The following MAGI2 variants were observed in gnomAD, a reference collection of about 807,000 sequenced individuals.
MAGI2 encodes the protein membrane-associated guanylate kinase, WW and PDZ domain-containing protein 2.
A neutral mutation model predicts 133.3 loss-of-function variants in MAGI2; 35 were observed. The observed-to-expected ratio is 0.26, with a 90% CI of 0.20 to 0.35. The LOEUF is 0.35. Ranked by LOEUF, MAGI2 falls within the 10% of genes least tolerant of loss-of-function variation. The pLI, the probability that MAGI2 is intolerant of heterozygous loss-of-function variation, is 1.00. For synonymous variants in MAGI2, 729 were observed against 710.6 expected, an observed-to-expected ratio of 1.03 and a Z score of -0.41; for missense variants, 1,636 against 1,863.4, an observed-to-expected ratio of 0.88 and a Z score of 2.25.
chr7:78,446,150 T>C (rs1193931183), intron 6 of MAGI2, among the ~76,000 whole-genome samples: 1 of 91,478 alleles, frequency 1.1e-5, no homozygotes, highest in Non-Finnish European at 2.6e-5. Flanking sequence ...ATACTATATG[T>C]TTAACTTATT....
At chr7:78,669,747 G>C (rs2151068420) in intron 2 of MAGI2, among the ~76,000 whole-genome samples, 1 of 152,254 alleles carries the variant, frequency 6.6e-6, no homozygotes, top group Non-Finnish European at 1.5e-5. Flanking sequence ...CTTTATCCCT[G>C]GGATGCAAGG....
chr7:78,563,344 T>C (rs1005513243), intron 3 of MAGI2, among the ~76,000 whole-genome samples: 1 of 152,172 alleles, frequency 6.6e-6, no homozygotes, highest in Non-Finnish European at 1.5e-5. Context: ...GGGGCTGCAT[T>C]CAATGCTCAA....
At chr7:79,261,058 C>T (rs1834052830) in intron 1 of MAGI2, among the ~76,000 whole-genome samples, 1 of 152,092 alleles carries the variant, frequency 6.6e-6, no homozygotes, top group Admixed American at 6.5e-5. Context: ...TTAAACAACT[C>T]AAGAGAACAG....
chr7:78,483,320 A>C (rs185860806), intron 6 of MAGI2, among the ~76,000 whole-genome samples: 5 of 151,988 alleles, frequency 3.3e-5, no homozygotes, highest in African/African-American at 4.8e-5. Flanking sequence ...ATGATAATAT[A>C]CAATTCATTG....
intron 1 of MAGI2, among the ~76,000 whole-genome samples, chr7:79,397,167 A>G (rs566884668): frequency 1.8e-4 from 27 of 149,136 alleles, no homozygotes; most frequent in Non-Finnish European, 3.0e-4. Context: ...TATTATTTAT[A>G]TTATATATAT....
At chr7:78,041,644 C>T (rs1330375599) in intron 21 of MAGI2, among the ~76,000 whole-genome samples, 3 of 152,150 alleles carry the variant, frequency 2.0e-5, no homozygotes, top group Non-Finnish European at 4.4e-5. Context: ...CACTGTACTC[C>T]AGCATGGGTG....
At chr7:79,116,367 C>T (rs1358351214) in intron 1 of MAGI2, among the ~76,000 whole-genome samples, 1 of 152,090 alleles carries the variant, frequency 6.6e-6, no homozygotes, top group African/African-American at 2.4e-5. Flanking sequence ...ATCAGCAAGT[C>T]AGGGAATGTA....
chr7:79,152,578 G>A (rs959432824), intron 1 of MAGI2, among the ~76,000 whole-genome samples: 1 of 152,174 alleles, frequency 6.6e-6, no homozygotes, highest in African/African-American at 2.4e-5. Context: ...AACACTGTCT[G>A]CTGGTTTCCA....
At chr7:78,546,201 A>G (rs939145028) in intron 3 of MAGI2, among the ~76,000 whole-genome samples, 1 of 152,196 alleles carries the variant, frequency 6.6e-6, no homozygotes, top group African/African-American at 2.4e-5. Context: ...TATCTTGAAC[A>G]TTTAATGAGA....
intron 1 of MAGI2, among the ~76,000 whole-genome samples, chr7:79,335,260 C>T (rs898670382): frequency 6.6e-6 from 1 of 152,018 alleles, no homozygotes; most frequent in African/African-American, 2.4e-5. Context: ...CAGAGCAGAG[C>T]GTTTAGGTTG....
In MAGI2 at chr7:79,436,759, T is replaced by C. The variant is rs540441727; in HGVS notation, c.301+16261A>G. Among the ~76,000 whole-genome samples the C allele has an allele frequency of 2.6e-5, 4 of 152,314 alleles. No individual in the cohort carries two copies. The East Asian group carries it at 7.7e-4, about 29-fold the overall frequency. On this transcript the variant is annotated intron_variant, in intron 1 of 21. Coordinates refer to ENST00000354212, the MANE Select transcript of MAGI2 (RefSeq NM_012301.4). ...ATATACTGTTGGTGGGATTCTAAAT[T>C]AGTTCAATCCCTGTGGAAAGCAGTT...
chr7:78,434,209 A>C (rs1483563754), intron 6 of MAGI2, among the ~76,000 whole-genome samples: 1 of 152,218 alleles, frequency 6.6e-6, no homozygotes, highest in African/African-American at 2.4e-5. Flanking sequence ...ACAGTACTAG[A>C]TCAGAAACAC....
chr7:79,149,645 C>T (rs984512718), intron 1 of MAGI2, among the ~76,000 whole-genome samples: 18 of 152,154 alleles, frequency 1.2e-4, no homozygotes, highest in African/African-American at 4.3e-4. Flanking sequence ...CAGTTTAGTG[C>T]TATCTTTCTA....
intron 2 of MAGI2, among the ~76,000 whole-genome samples, chr7:78,705,580 T>C (rs1330138193): frequency 1.3e-5 from 2 of 152,112 alleles, no homozygotes; most frequent in Non-Finnish European, 2.9e-5. Flanking sequence ...TGACAAACTT[T>C]CCTTCAGTGG....
chr7:79,162,289 T>C (rs1351470879), intron 1 of MAGI2, among the ~76,000 whole-genome samples: 2 of 152,016 alleles, frequency 1.3e-5, no homozygotes, highest in Admixed American at 1.3e-4. Context: ...TGTCAAACTA[T>C]ACTTCCAAGG....
At chr7:78,208,684 T>C (rs935959663) in intron 10 of MAGI2, among the ~76,000 whole-genome samples, 5 of 74,626 alleles carry the variant, frequency 6.7e-5, no homozygotes, top group African/African-American at 9.2e-5. Flanking sequence ...AAATGGTGAA[T>C]GTATAGCATT....
At chr7:78,564,926 T>C (rs1800788562) in intron 3 of MAGI2, among the ~76,000 whole-genome samples, 1 of 151,018 alleles carries the variant, frequency 6.6e-6, no homozygotes, top group Non-Finnish European at 1.5e-5. Context: ...CCCGAGCTGC[T>C]GGGACTACAG....
At chr7:78,855,769 C>T (rs1252370843) in intron 2 of MAGI2, among the ~76,000 whole-genome samples, 3 of 152,168 alleles carry the variant, frequency 2.0e-5, no homozygotes, top group Non-Finnish European at 4.4e-5. Flanking sequence ...GGTATACGCC[C>T]AGTAATGGGA....
At chr7:78,761,325 A>C (rs1409014444) in intron 2 of MAGI2, among the ~76,000 whole-genome samples, 2 of 152,196 alleles carry the variant, frequency 1.3e-5, no homozygotes, top group Non-Finnish European at 2.9e-5. Flanking sequence ...CCATAGTCAT[A>C]ATTTGTCTCT....
Sources: allele counts gnomAD v4.1 joint callset (sites outside exome capture counted in the v4.1 genomes callset), GRCh38; gene constraint gnomAD v4.1.1; transcripts MANE v1.5; gene names NCBI Gene and HGNC (gene_info 2026-07-23, HGNC 2026-07-21).